Variants in USP54 observed in about 807,000 individuals in gnomAD.
USP54 encodes the protein ubiquitin carboxyl-terminal hydrolase 54.
A neutral mutation model predicts 170.5 loss-of-function variants in USP54; 87 were observed. The observed-to-expected ratio is 0.51, with a 90% CI of 0.43 to 0.61. USP54 has a LOEUF of 0.61. USP54 is among the 20% of genes least tolerant of loss of function. The pLI is 0.00. For synonymous variants in USP54, 655 were observed against 742.8 expected, an observed-to-expected ratio of 0.88 and a Z score of 1.92; for missense variants, 1,786 against 2,047.8, an observed-to-expected ratio of 0.87 and a Z score of 2.47.
chr10:73,520,823 T>A (rs1450144898), intron 18 of USP54, 85 bp downstream of exon 18: 1 of 1,585,286 alleles, frequency 6.3e-7, no homozygotes, highest in East Asian at 2.2e-5. Flanking sequence ...AAAACTGTTT[T>A]TATCCTGTCT....
At chr10:73,548,166 C>G (rs1422653764) in intron 4 of USP54, among the ~76,000 whole-genome samples, 2 of 152,114 alleles carry the variant, frequency 1.3e-5, no homozygotes, top group East Asian at 3.8e-4. Context: ...AAATGCAAAT[C>G]AAAACCACAA....
intron 4 of USP54, among the ~76,000 whole-genome samples, chr10:73,546,029 CAA>C (rs1172868787): frequency 6.6e-6 from 1 of 152,136 alleles, no homozygotes; most frequent in Non-Finnish European, 1.5e-5. Context: ...ACGTTATCAA[CAA>C]ATTATTTTCT....
At chr10:73,508,540 G>A (rs986213358) in intron 20 of USP54, among the ~76,000 whole-genome samples, 3 of 152,112 alleles carry the variant, frequency 2.0e-5, no homozygotes, top group Non-Finnish European at 2.9e-5. Context: ...TTATGTATTC[G>A]CTGATATGAT....
At chr10:73,567,187 C>T (rs1000984596) in intron 4 of USP54, among the ~76,000 whole-genome samples, 2 of 151,998 alleles carry the variant, frequency 1.3e-5, no homozygotes, top group Admixed American at 6.6e-5. Context: ...CCGGTACTGG[C>T]AATTTTCTAT....
intron 1 of USP54, among the ~76,000 whole-genome samples, chr10:73,612,764 C>G (rs1162498475): frequency 6.7e-6 from 1 of 148,990 alleles, no homozygotes; most frequent in Non-Finnish European, 1.5e-5. Flanking sequence ...TCCTTGAACC[C>G]ACGAGGTGGA....
At chr10:73,526,829 G>C in intron 15 of USP54, 49 bp from the exon 16 acceptor site, 3 of 1,593,706 alleles carry the variant, frequency 1.9e-6, no homozygotes, top group Non-Finnish European at 2.6e-6. Context: ...GCAGGTTATA[G>C]CAACATTCCT....
rs2058816523 is a variant in USP54 at position 73,504,834 on chromosome 10, C to T, written c.4311+16G>A. 1.2e-6 allele frequency: 2 copies of T among 1,614,018 alleles called. No homozygotes were observed. The highest frequency in any genetic ancestry group is 1.7e-5 in the Admixed American group (1 of 59,998). ...GAGGAGGGTGCTCTGAATAGATGGA[C>T]CCTGATTCTACTTACAAAACTGTGG... On this transcript the variant is annotated intron_variant, in intron 22 of 23. Coordinates refer to ENST00000687698, the MANE Select transcript of USP54 (RefSeq NM_001391956.1).
At chr10:73,581,390 T>C (rs975994261) in intron 1 of USP54, among the ~76,000 whole-genome samples, 4 of 152,234 alleles carry the variant, frequency 2.6e-5, no homozygotes, top group African/African-American at 7.2e-5. Context: ...GCCAAAAACC[T>C]TTCCATGTAT....
chr10:73,530,102 C>A, intron 14 of USP54, 41 bp downstream of exon 14: 1 of 1,553,260 alleles, frequency 6.4e-7, no homozygotes, highest in South Asian at 1.2e-5. Flanking sequence ...CATAAATCAA[C>A]TTTATTCAAA....
Position 73,530,274 on chromosome 10 carries a change from G to T in USP54, c.1697C>A (p.Ser566Tyr). The T allele has an allele frequency of 6.2e-7, 1 of 1,614,164 alleles. No individual in the cohort carries two copies. The highest frequency in any genetic ancestry group is 8.5e-7 in the Non-Finnish European group (1 of 1,180,036). The stretch of plus-strand genomic sequence containing the variant: ...GGGACGATACTTGCTGGAAGAACTG[G>T]ATTTTGACTCACTGCTGGTACTCTC... The part of the protein sequence containing the change: ...EIESTSSESK[S>Y]SSSSKYRPTW... Residue 566 changes from serine (S) to tyrosine (Y), a missense_variant, in exon 14 of 24, where the codon TCC becomes TAC. Around this residue, in one of 3 missense-constraint regions of USP54, gnomAD observed 1,418 missense variants for 1,569.0 expected, o/e 0.90. Coordinates refer to ENST00000687698, the MANE Select transcript of USP54 (RefSeq NM_001391956.1).
At chr10:73,517,897 T>A in intron 19 of USP54, 150 bp from the exon 20 acceptor site, 4 of 1,073,096 alleles carry the variant, frequency 3.7e-6, no homozygotes, top group Non-Finnish European at 5.2e-6. Flanking sequence ...AGTCAGTAGT[T>A]CAGAGGATCA....
At chr10:73,587,532 G>A (rs1359711201) in intron 1 of USP54, among the ~76,000 whole-genome samples, 3 of 152,074 alleles carry the variant, frequency 2.0e-5, no homozygotes, top group Non-Finnish European at 2.9e-5. Flanking sequence ...ACCTCGGGAG[G>A]TAACATGCTT....
In USP54 at chr10:73,529,923, A is replaced by G. The variant is rs2063662816; in HGVS notation, c.1829-12T>C. Reference sequence around the variant, plus strand: ...TATAAATTCTTTAGCTATCCCAATCAAAAGACAGGTATGGAAAATGAGGTA... The same window carrying G: ...TATAAATTCTTTAGCTATCCCAATCGAAAGACAGGTATGGAAAATGAGGTA... On this transcript the variant is annotated splice_polypyrimidine_tract_variant and intron_variant, in intron 14 of 23. Coordinates refer to ENST00000687698, the MANE Select transcript of USP54 (RefSeq NM_001391956.1). The G allele has an allele frequency of 5.3e-6, 8 of 1,521,028 alleles. No individual in the cohort carries two copies. Among genetic ancestry groups the G allele is most frequent in the Non-Finnish European group, 7.0e-6 (8 of 1,136,932 alleles). The allele number at this position is 1,521,028 out of a possible 1,614,324, so 94.2% of individuals were successfully genotyped here. A position where few individuals can be genotyped will look rare whatever the true frequency, so the allele number is the denominator to read the frequency against.
At chr10:73,533,386 G>A (rs1436550292) in intron 12 of USP54, among the ~76,000 whole-genome samples, 1 of 152,064 alleles carries the variant, frequency 6.6e-6, no homozygotes, top group Non-Finnish European at 1.5e-5. Flanking sequence ...TATGGAAAAT[G>A]TGATATAATG....
chr10:73,548,458 T>A (rs2068385672), intron 4 of USP54, among the ~76,000 whole-genome samples: 1 of 152,008 alleles, frequency 6.6e-6, no homozygotes, highest in African/African-American at 2.4e-5. Context: ...CTATTCACAA[T>A]AGCAAAGACT....
chr10:73,569,519 C>T (rs893526544), intron 4 of USP54, among the ~76,000 whole-genome samples: 5 of 152,044 alleles, frequency 3.3e-5, no homozygotes, highest in African/African-American at 7.2e-5. Flanking sequence ...TGATGGCTCA[C>T]GCCTGTAATC....
intron 3 of USP54, among the ~76,000 whole-genome samples, chr10:73,573,984 C>A (rs1279252421): frequency 6.6e-6 from 1 of 152,172 alleles, no homozygotes; most frequent in Non-Finnish European, 1.5e-5. Flanking sequence ...CTCATAGCAA[C>A]CCATTTTCTC....
rs1450958232 is a variant in USP54, at chr10:73,512,557, G to A, written c.4051+3818C>T. 2.6e-5 allele frequency among the ~76,000 whole-genome samples: 4 copies of A among 151,986 alleles called. No individual in the cohort carries two copies. In the East Asian group the frequency reaches 7.7e-4, roughly 29 times the overall value. The stretch of plus-strand genomic sequence containing the variant: ...GGGTCTCACTGTGTTGCCCAGGCTG[G>A]AGGAGAGTGGCTGTTCACAGGCATG... On this transcript the variant is annotated intron_variant, in intron 20 of 23. Coordinates refer to ENST00000687698, the MANE Select transcript of USP54 (RefSeq NM_001391956.1).
intron 1 of USP54, among the ~76,000 whole-genome samples, chr10:73,610,427 G>A (rs1000835039): frequency 6.6e-6 from 1 of 152,036 alleles, no homozygotes; most frequent in Non-Finnish European, 1.5e-5. Context: ...TTTGAGACCA[G>A]CCTGGCCAAC....
Sources: gnomAD v4.1 joint callset for allele counts (sites outside exome capture counted in the v4.1 genomes callset) on GRCh38, gnomAD v4.1.1 for gene constraint, gnomAD v4.1.1 regional missense constraint, MANE v1.5 for transcripts, NCBI Gene and HGNC (gene_info 2026-07-23, HGNC 2026-07-21) for gene names.